Variants in NCKAP5 observed in about 807,000 individuals in gnomAD.
NCKAP5 encodes the protein nck-associated protein 5.
A neutral mutation model predicts 167.0 loss-of-function variants in NCKAP5; 92 were observed. That is an observed-to-expected ratio of 0.55 (90% CI 0.47 to 0.66). The LOEUF (loss-of-function observed/expected upper bound fraction) is 0.66, where lower values mean the gene tolerates loss of function less well. Among genes scored for constraint, NCKAP5 ranks in the 30% least tolerant of loss-of-function variants. The pLI, the probability that NCKAP5 is intolerant of heterozygous loss-of-function variation, is 0.00. For synonymous variants in NCKAP5, 891 were observed against 877.4 expected (o/e 1.02, Z -0.27); for missense variants, 2,378 against 2,315.0 (o/e 1.03, Z -0.56).
intron 8 of NCKAP5, among the ~76,000 whole-genome samples, chr2:132,925,461 C>T (rs1475978693): frequency 1.3e-5 from 2 of 149,366 alleles, no homozygotes; most frequent in African/African-American, 5.0e-5. Context: ...ACTCTGGAGG[C>T]TGAGGCAGGA....
At chr2:132,869,519 T>A (rs1690628306) in intron 9 of NCKAP5, among the ~76,000 whole-genome samples, 1 of 152,214 alleles carries the variant, frequency 6.6e-6, no homozygotes, top group African/African-American at 2.4e-5. Flanking sequence ...TTGCTACCTG[T>A]AATATAATCT....
At chr2:133,584,020 C>T in the NCKAP5 span, among the ~76,000 whole-genome samples, 1 of 152,194 alleles carries the variant, frequency 6.6e-6, no homozygotes, top group African/African-American at 2.4e-5. Context: ...TCCCAAAGTG[C>T]TGGGATTACA....
At chr2:133,069,140 A>T (rs948482935) in intron 6 of NCKAP5, among the ~76,000 whole-genome samples, 10 of 152,332 alleles carry the variant, frequency 6.6e-5, no homozygotes, top group African/African-American at 1.9e-4. Flanking sequence ...CAATGGAGAG[A>T]TGGAAAATTA....
chr2:132,700,930 C>CGGGG (rs67190492), intron 19 of NCKAP5, among the ~76,000 whole-genome samples: 12 of 113,216 alleles, frequency 1.1e-4, no homozygotes, highest in African/African-American at 4.1e-4. Flanking sequence ...ATCCCCTGGG[C>CGGGG]GGGGGGGGGG....
intron 19 of NCKAP5, among the ~76,000 whole-genome samples, chr2:132,687,527 GAGAA>G (rs1686107237): frequency 6.6e-6 from 1 of 152,118 alleles, no homozygotes; most frequent in African/African-American, 2.4e-5. Flanking sequence ...AAAGTGACTG[GAGAA>G]ATACTTTTCC....
chr2:133,455,391 G>A (rs1235100534), intron 3 of NCKAP5, among the ~76,000 whole-genome samples: 1 of 151,864 alleles, frequency 6.6e-6, no homozygotes, highest in Non-Finnish European at 1.5e-5. Flanking sequence ...ATTTTCATGG[G>A]ACAGATTTTC....
At chr2:133,477,540 A>G (rs1219149644) in intron 3 of NCKAP5, among the ~76,000 whole-genome samples, 1 of 152,052 alleles carries the variant, frequency 6.6e-6, no homozygotes, top group Non-Finnish European at 1.5e-5. Context: ...GTAGAACCCA[A>G]CCCTATATAC....
intron 7 of NCKAP5, among the ~76,000 whole-genome samples, chr2:132,965,974 C>T (rs2076651530): frequency 2.0e-5 from 3 of 150,278 alleles, no homozygotes; most frequent in Admixed American, 1.3e-4. Flanking sequence ...ATAATCAGAG[C>T]CCAATAGCTA....
At chr2:132,912,423 T>G (rs1574606209) in intron 8 of NCKAP5, among the ~76,000 whole-genome samples, 1 of 152,196 alleles carries the variant, frequency 6.6e-6, no homozygotes, top group African/African-American at 2.4e-5. Flanking sequence ...TGCAGAGCCT[T>G]CAACCCTCTG....
At chr2:133,455,459 G>GAT (rs941524793) in intron 3 of NCKAP5, among the ~76,000 whole-genome samples, 5 of 151,894 alleles carry the variant, frequency 3.3e-5, no homozygotes, top group African/African-American at 1.2e-4. Flanking sequence ...CTGGGCCCTA[G>GAT]ATATATATAT....
chr2:133,622,045 C>T, the NCKAP5 span, among the ~76,000 whole-genome samples: 1 of 152,114 alleles, frequency 6.6e-6, no homozygotes, highest in Admixed American at 6.6e-5. Context: ...ATATGATCAT[C>T]TCAATAGACA....
At chr2:132,984,670 T>G (rs2149278456) in intron 7 of NCKAP5, among the ~76,000 whole-genome samples, 1 of 152,216 alleles carries the variant, frequency 6.6e-6, no homozygotes, top group Admixed American at 6.5e-5. Flanking sequence ...CCAGCAGGCC[T>G]GTTCCACTTC....
chr2:132,947,504 A>C (rs1322891442), intron 8 of NCKAP5, among the ~76,000 whole-genome samples: 2 of 152,220 alleles, frequency 1.3e-5, no homozygotes, highest in East Asian at 3.8e-4. Flanking sequence ...CCCTGCAGCT[A>C]AAGAATGGAA....
intron 6 of NCKAP5, among the ~76,000 whole-genome samples, chr2:133,044,110 G>A (rs1026300477): frequency 3.3e-5 from 5 of 151,964 alleles, no homozygotes; most frequent in African/African-American, 1.2e-4. Context: ...AAATGGGGCT[G>A]GTAAATTGTT....
intron 11 of NCKAP5, among the ~76,000 whole-genome samples, chr2:132,850,188 A>G (rs1206454787): frequency 6.6e-6 from 1 of 152,172 alleles, no homozygotes; most frequent in Non-Finnish European, 1.5e-5. Flanking sequence ...GGAAATATCT[A>G]TTATGCCCAC....
chr2:133,133,463 G>T (rs1044481856), intron 5 of NCKAP5, among the ~76,000 whole-genome samples: 1 of 152,096 alleles, frequency 6.6e-6, no homozygotes, highest in African/African-American at 2.4e-5. Context: ...ATCTCAAATC[G>T]CTGCACCAGA....
At chr2:132,719,606 C>T (rs530819469) in intron 19 of NCKAP5, among the ~76,000 whole-genome samples, 15 of 152,280 alleles carry the variant, frequency 9.9e-5, no homozygotes, top group African/African-American at 3.4e-4. Context: ...TTAAGGGGCA[C>T]GAGACTGGCA....
intron 11 of NCKAP5, among the ~76,000 whole-genome samples, chr2:132,830,122 C>T (rs536124899): frequency 3.3e-5 from 5 of 152,164 alleles, no homozygotes; most frequent in Admixed American, 2.6e-4. Context: ...TTTCTAAAGT[C>T]TGGGCATTAC....
intron 19 of NCKAP5, among the ~76,000 whole-genome samples, chr2:132,692,144 A>AT (rs1686811941): frequency 1.6e-5 from 2 of 125,222 alleles, no homozygotes; most frequent in African/African-American, 7.8e-5. Flanking sequence ...ATTTTATTTT[A>AT]TTTTATTTTA....
Sources: gnomAD v4.1 joint callset for allele counts (sites outside exome capture counted in the v4.1 genomes callset) on GRCh38, gnomAD v4.1.1 for gene constraint, MANE v1.5 for transcripts, NCBI Gene and HGNC (gene_info 2026-07-23, HGNC 2026-07-21) for gene names.